Variants in MCU observed in about 807,000 individuals in gnomAD.
The protein encoded by MCU is calcium uniporter protein, mitochondrial.
A neutral mutation model predicts 45.2 loss-of-function variants in MCU; 12 were observed. That is an observed-to-expected ratio of 0.27 (90% CI 0.17 to 0.43). MCU has a LOEUF of 0.43. MCU is among the 20% of genes least tolerant of loss of function. MCU has a pLI of 1.00. For missense variants in MCU, 324 were observed against 436.7 expected, an observed-to-expected ratio of 0.74 and a Z score of 2.30; for synonymous variants, 160 against 165.1, an observed-to-expected ratio of 0.97 and a Z score of 0.24.
At chr10:72,813,806 A>AT (rs11312860) in intron 1 of MCU, among the ~76,000 whole-genome samples, 3,541 of 150,280 alleles carry the variant, frequency 0.024, 109 homozygotes, top group African/African-American at 0.072. Flanking sequence ...TATTTTTGTG[A>AT]TTTTTTTTTT....
At chr10:72,720,950 T>C (rs1397861673) in intron 1 of MCU, 1 of 152,324 alleles carries the variant, frequency 6.6e-6, no homozygotes, top group Admixed American at 6.5e-5. Context: ...TAGAGTTAGA[T>C]ACTGATTTCT....
At chr10:72,799,365 G>A (rs1454698160) in intron 1 of MCU, among the ~76,000 whole-genome samples, 1 of 152,168 alleles carries the variant, frequency 6.6e-6, no homozygotes, top group African/African-American at 2.4e-5. Context: ...TACCTGCTGT[G>A]TGCCAAGCAC....
chr10:72,878,690 C>T (rs979056805), intron 6 of MCU, among the ~76,000 whole-genome samples: 3 of 151,824 alleles, frequency 2.0e-5, no homozygotes, highest in Non-Finnish European at 4.4e-5. Context: ...TTAGACATAA[C>T]AAAAGACAGA....
chr10:72,821,222 CT>C (rs75872235), intron 1 of MCU, among the ~76,000 whole-genome samples: 5,009 of 137,108 alleles, frequency 0.037, 109 homozygotes, highest in African/African-American at 0.079. Flanking sequence ...GTTTGTAAGA[CT>C]TTTTTTTTTT....
chr10:72,857,249 C>CT (rs966820436), intron 2 of MCU, among the ~76,000 whole-genome samples: 12 of 149,918 alleles, frequency 8.0e-5, no homozygotes, highest in Admixed American at 1.3e-4. Flanking sequence ...AAACCCCCCC[C>CT]TTTTTTTTTC....
chr10:72,761,880 T>C (rs1200758740), intron 1 of MCU, among the ~76,000 whole-genome samples: 1 of 152,182 alleles, frequency 6.6e-6, no homozygotes, highest in African/African-American at 2.4e-5. Context: ...TATATCACTC[T>C]GTATGCCTTT....
intron 1 of MCU, among the ~76,000 whole-genome samples, chr10:72,783,528 C>T (rs929340545): frequency 6.6e-6 from 1 of 152,146 alleles, no homozygotes; most frequent in African/African-American, 2.4e-5. Context: ...TGAATCCTCT[C>T]TTCCTAGGAG....
chr10:72,880,767 C>A (rs1426799386), intron 6 of MCU, among the ~76,000 whole-genome samples: 1 of 152,274 alleles, frequency 6.6e-6, no homozygotes, highest in East Asian at 1.9e-4. Flanking sequence ...ATAACAGTGG[C>A]ACAAGGACAG....
intron 1 of MCU, among the ~76,000 whole-genome samples, chr10:72,714,789 C>G (rs966285532): frequency 1.7e-4 from 26 of 151,328 alleles, no homozygotes; most frequent in Admixed American, 1.2e-3. Context: ...GGTGATCTGC[C>G]CCCCCCTTGG....
At chr10:72,866,745 A>G (rs1564579098) in intron 4 of MCU, among the ~76,000 whole-genome samples, 1 of 152,116 alleles carries the variant, frequency 6.6e-6, no homozygotes, top group Non-Finnish European at 1.5e-5. Context: ...ATCTAATAAA[A>G]TAGTTCATGA....
At chr10:72,745,079 T>G (rs2132702354) in intron 1 of MCU, among the ~76,000 whole-genome samples, 1 of 152,326 alleles carries the variant, frequency 6.6e-6, no homozygotes, top group South Asian at 2.1e-4. Flanking sequence ...TCTGCATGCA[T>G]TAAAAAAACC....
At chr10:72,835,068 T>C (rs1844937106) in intron 2 of MCU, among the ~76,000 whole-genome samples, 1 of 152,174 alleles carries the variant, frequency 6.6e-6, no homozygotes. Context: ...CACTCCAGCC[T>C]CTTGTTGTAT....
chr10:72,697,661 C>G (rs1048328019), intron 1 of MCU, among the ~76,000 whole-genome samples: 3 of 151,860 alleles, frequency 2.0e-5, no homozygotes, highest in Non-Finnish European at 4.4e-5. Context: ...GTCTTGAACT[C>G]CTGACCTCGT....
intron 1 of MCU, among the ~76,000 whole-genome samples, chr10:72,709,771 G>T (rs1170558936): frequency 6.6e-6 from 1 of 152,124 alleles, no homozygotes. Context: ...CCTAAGCACA[G>T]TTGAGATAGT....
chr10:72,720,680 C>T (rs1353221625), intron 1 of MCU, among the ~76,000 whole-genome samples: 2 of 152,148 alleles, frequency 1.3e-5, no homozygotes, highest in East Asian at 1.9e-4. Flanking sequence ...TTTTTATATA[C>T]GGATGCTTTA....
chr10:72,882,196 C>T (rs578154945), intron 6 of MCU, among the ~76,000 whole-genome samples: 8 of 152,266 alleles, frequency 5.3e-5, no homozygotes, highest in African/African-American at 1.9e-4. Context: ...ATCCTGTCAG[C>T]TGAGGAGGAA....
intron 2 of MCU, among the ~76,000 whole-genome samples, chr10:72,856,842 C>A (rs1845298855): frequency 6.7e-6 from 1 of 148,316 alleles, no homozygotes; most frequent in Non-Finnish European, 1.5e-5. Context: ...AACTTGGGAG[C>A]CTGAGGCAAA....
At chr10:72,709,866 T>C (rs1372923104) in intron 1 of MCU, among the ~76,000 whole-genome samples, 1 of 152,320 alleles carries the variant, frequency 6.6e-6, no homozygotes. Flanking sequence ...CAGTGCTTTC[T>C]TTAAGTTTAA....
chr10:72,700,602 C>T, intron 1 of MCU, among the ~76,000 whole-genome samples: 1 of 152,168 alleles, frequency 6.6e-6, no homozygotes, highest in East Asian at 1.9e-4. Context: ...AAACTGTGTA[C>T]ACACTTGAAT....
Sources: allele counts gnomAD v4.1 joint callset (sites outside exome capture counted in the v4.1 genomes callset), GRCh38; gene constraint gnomAD v4.1.1; transcripts MANE v1.5; gene names NCBI Gene and HGNC (gene_info 2026-07-23, HGNC 2026-07-21).